Variants in TRANK1 observed in about 807,000 individuals in gnomAD.
The protein encoded by TRANK1 is tetratricopeptide repeat and ankyrin repeat containing 1.
A neutral mutation model predicts 266.0 loss-of-function variants in TRANK1; 198 were observed. The observed-to-expected ratio is 0.74, with a 90% confidence interval of 0.66 to 0.84. The LOEUF is 0.84. Ranked by LOEUF, TRANK1 falls within the 40% of genes least tolerant of loss-of-function variation. The pLI, the probability that TRANK1 is intolerant of heterozygous loss-of-function variation, is 0.00. For synonymous variants in TRANK1, 1,396 were observed against 1,384.1 expected (o/e 1.01, Z -0.19); for missense variants, 3,326 against 3,634.6 (o/e 0.92, Z 2.18).
At chr3:36,872,886 T>C (rs1295767148) in intron 9 of TRANK1, among the ~76,000 whole-genome samples, 1 of 152,010 alleles carries the variant, frequency 6.6e-6, no homozygotes, top group African/African-American at 2.4e-5. Flanking sequence ...TCTAGATACA[T>C]ACTAGGGAAA....
At chr3:36,840,175 A>T (rs1460262674) in intron 18 of TRANK1, among the ~76,000 whole-genome samples, 3 of 151,890 alleles carry the variant, frequency 2.0e-5, no homozygotes, top group Non-Finnish European at 4.4e-5. Context: ...TTTCAGACCC[A>T]TACCTGCTGC....
chr3:36,828,498 G>C, intron 23 of TRANK1, 123 bp from the exon 24 acceptor site: 1 of 697,898 alleles, frequency 1.4e-6, no homozygotes, highest in Admixed American at 2.6e-5. Context: ...AGGAAGGGCA[G>C]AATGGTGATT....
Position 36,861,054 on chromosome 3 carries a change from G to C in TRANK1, c.1347C>G (p.Thr449=). 1 of 1,537,792 alleles carries C rather than the reference G, an allele frequency of 6.5e-7. No homozygotes were observed. Among genetic ancestry groups the C allele is most frequent in the Non-Finnish European group, 8.7e-7 (1 of 1,147,028 alleles). Residue 449 remains threonine, a synonymous_variant, in exon 11 of 24, where the codon ACC becomes ACG. Transcript: ENST00000645898. ...GCGGTGGTTCTCCACTTACTTTGCG[G>C]GTCAGCAGCAGAAGCACCTCAGGCC... The part of the protein sequence containing the change: ...QRWPEVLLLL[T]RKVSGEPPLG...
intron 11 of TRANK1, among the ~76,000 whole-genome samples, chr3:36,860,688 A>G (rs2079129990): frequency 1.3e-5 from 2 of 152,256 alleles, no homozygotes; most frequent in Non-Finnish European, 2.9e-5. Flanking sequence ...AGAGAAAGGT[A>G]GTAACTGGAA....
At chr3:36,870,420 AAGAGAGAG>A (rs34639575) in intron 9 of TRANK1, among the ~76,000 whole-genome samples, 14 of 145,368 alleles carry the variant, frequency 9.6e-5, no homozygotes, top group African/African-American at 3.1e-4. Context: ...AAAAAAAAAA[AAGAGAGAG>A]AGAGAGAGAG....
chr3:36,882,212 G>T (rs1456037952), intron 8 of TRANK1, among the ~76,000 whole-genome samples: 1 of 152,160 alleles, frequency 6.6e-6, no homozygotes, highest in Non-Finnish European at 1.5e-5. Flanking sequence ...ATGTATGAAG[G>T]ATCCAAGTTT....
Position 36,856,572 on chromosome 3 carries a change from G to C in TRANK1, c.3150C>G (p.Tyr1050Ter). 1.2e-6 allele frequency: 2 copies of C among 1,614,002 alleles called. No individual in the cohort carries two copies. The highest frequency in any genetic ancestry group is 1.7e-6 in the Non-Finnish European group (2 of 1,179,886). The change falls in exon 13 of 24, where the codon TAC becomes TAG. Residue 1050 changes from tyrosine to a stop codon, truncating the protein, a stop_gained. Coordinates refer to ENST00000645898, the MANE Select transcript of TRANK1 (RefSeq NM_001329998.2). LOFTEE classifies it high-confidence loss of function. ...ILNDTTATVE[Y>*]PFRVGELEYA... ...ACTCAAGCTCACCCACCCGGAAGGG[G>C]TACTCCACTGTGGCTGTCGTGTCAT...
chr3:36,894,879 T>C (rs2079765290), intron 5 of TRANK1, among the ~76,000 whole-genome samples: 3 of 152,160 alleles, frequency 2.0e-5, no homozygotes, highest in Non-Finnish European at 2.9e-5. Context: ...TGAGCACTTA[T>C]AGCCTATCAC....
intron 15 of TRANK1, among the ~76,000 whole-genome samples, chr3:36,848,417 T>C (rs1218815249): frequency 1.3e-5 from 2 of 152,240 alleles, no homozygotes; most frequent in African/African-American, 4.8e-5. Context: ...GAATTTAGAA[T>C]TCAAAATTCT....
chr3:36,930,415 C>T (rs1002494952), intron 1 of TRANK1, among the ~76,000 whole-genome samples: 3 of 152,140 alleles, frequency 2.0e-5, no homozygotes, highest in Non-Finnish European at 2.9e-5. Context: ...AGCCAGCCAA[C>T]ATCTTGGTTT....
chr3:36,941,377 A>G (rs1214100259), intron 1 of TRANK1, among the ~76,000 whole-genome samples: 1 of 152,226 alleles, frequency 6.6e-6, no homozygotes, highest in Non-Finnish European at 1.5e-5. Flanking sequence ...ACAGGAGCTC[A>G]CACAAGCATG....
rs2079713706 is a variant in TRANK1 at position 36,892,395 on chromosome 3, C to T, written c.637-55G>A. On this transcript the variant is annotated intron_variant, in intron 6 of 23. Coordinates refer to ENST00000645898, the MANE Select transcript of TRANK1 (RefSeq NM_001329998.2). The stretch of plus-strand genomic sequence containing the variant: ...ATGGAAGTCACTAATCAATATGAAG[C>T]TTCAAACTCCTTTACCCATAAAGTA... 4.6e-6 allele frequency: 7 copies of T among 1,526,116 alleles called. No homozygotes were observed. The South Asian group carries it at 7.3e-5, about 16-fold the overall frequency. 94.5% of individuals were successfully genotyped at this position (1,526,116 alleles called of 1,614,324 possible).
chr3:36,834,230 T>C (rs1465267358), intron 21 of TRANK1, among the ~76,000 whole-genome samples: 2 of 152,226 alleles, frequency 1.3e-5, no homozygotes, highest in Admixed American at 6.5e-5. Flanking sequence ...GCAAATGTTA[T>C]GCATAGTCTA....
rs922484884 is a variant in TRANK1, at chr3:36,944,850, G to T, written c.-41C>A. ...GTCCGCACCAGGACCGCCGCCGCCT[G>T]GGGAAGCGCTTCCCTGTGGGCAGGG... is the stretch of plus-strand genomic sequence containing the variant. On this transcript the variant is annotated 5_prime_UTR_variant, in exon 1 of 24. Transcript: ENST00000645898. 1.4e-6 allele frequency: 2 copies of T among 1,440,866 alleles called. No homozygotes were observed. The highest frequency in any genetic ancestry group is 2.7e-5 in the South Asian group (2 of 73,398). 89.3% of individuals were successfully genotyped at this position (1,440,866 alleles called of 1,614,324 possible).
Position 36,944,800 on chromosome 3 carries a change from G to T in TRANK1, c.10C>A (p.Pro4Thr). The change falls in exon 1 of 24, where the codon CCG becomes ACG. Residue 4 changes from proline to threonine, a missense_variant. Physicochemically the swap from Pro to Thr is conservative, Grantham distance 38. Coordinates refer to ENST00000645898, the MANE Select transcript of TRANK1 (RefSeq NM_001329998.2). ...GCCGCTACGCACCTAGCTGCCCGCG[G>T]GTCCCACATGGCTGCGGCCGGAGGG... MWD[P>T]RAARMDLTAY... 6.7e-7 allele frequency: 1 copy of T among 1,492,640 alleles called. No individual in the cohort carries two copies. 92.5% of individuals were successfully genotyped at this position (1,492,640 alleles called of 1,614,324 possible).
At chr3:36,896,006 C>T (rs1427879596) in intron 4 of TRANK1, among the ~76,000 whole-genome samples, 1 of 152,120 alleles carries the variant, frequency 6.6e-6, no homozygotes, top group African/African-American at 2.4e-5. Flanking sequence ...TTTCTAGTTG[C>T]CAAGCCCAGT....
At chr3:36,859,068 A>G (rs2079098074) in intron 11 of TRANK1, among the ~76,000 whole-genome samples, 174 bp from the exon 12 acceptor site, 1 of 152,206 alleles carries the variant, frequency 6.6e-6, no homozygotes, top group African/African-American at 2.4e-5. Flanking sequence ...CAGTAGCCAC[A>G]AAGTGAAAGC....
chr3:36,850,191 C>T lies in TRANK1; in HGVS notation c.4887+1528G>A, dbSNP rs532785155. The T allele has an allele frequency of 1.9e-5, 19 of 985,290 alleles. No individual in the cohort carries two copies. The African/African-American group carries it at 2.3e-4, about 12-fold the overall frequency. 61.0% of individuals were successfully genotyped at this position (985,290 alleles called of 1,614,324 possible). ...AGGAGAGCCTCAGTCCAACCATGAC[C>T]GATGGATGTATCATTAGAAAAAAAA... is the stretch of plus-strand genomic sequence containing the variant. On this transcript the variant is annotated intron_variant, in intron 15 of 23. Coordinates refer to ENST00000645898, the MANE Select transcript of TRANK1 (RefSeq NM_001329998.2).
At chr3:36,886,398 A>T (rs2079606613) in intron 8 of TRANK1, among the ~76,000 whole-genome samples, 1 of 151,872 alleles carries the variant, frequency 6.6e-6, no homozygotes, top group Non-Finnish European at 1.5e-5. Flanking sequence ...GGCATGAGCC[A>T]CCACACCCAG....
Sources: allele counts gnomAD v4.1 joint callset (sites outside exome capture counted in the v4.1 genomes callset), GRCh38; gene constraint gnomAD v4.1.1; transcripts MANE v1.5; gene names NCBI Gene and HGNC (gene_info 2026-07-23, HGNC 2026-07-21).